NDUFS4: variants seen among roughly 807,000 people sequenced by gnomAD.
The protein encoded by NDUFS4 is NADH dehydrogenase [ubiquinone] iron-sulfur protein 4, mitochondrial.
Under a neutral mutation model 24.3 loss-of-function variants are expected in NDUFS4, and 28 were observed. The ratio of observed to expected loss-of-function variants is 1.15; its 90% CI spans 0.85 to 1.58. NDUFS4 has a LOEUF of 1.58. Among genes scored for constraint, NDUFS4 ranks in the 40% most tolerant of loss-of-function variants. The pLI, the probability that NDUFS4 is intolerant of heterozygous loss-of-function variation, is 0.00. For synonymous variants in NDUFS4, 93 were observed against 69.7 expected, an observed-to-expected ratio of 1.34 and a Z score of -1.67; for missense variants, 223 against 207.9, an observed-to-expected ratio of 1.07 and a Z score of -0.45.
At chr5:53,621,665 A>G (rs1012274314) in intron 2 of NDUFS4, among the ~76,000 whole-genome samples, 2 of 134,960 alleles carry the variant, frequency 1.5e-5, no homozygotes, top group Non-Finnish European at 3.3e-5. Flanking sequence ...TTTTACTTCC[A>G]TATTTGTTAT....
At position 53,680,644 on chromosome 5, in the gene NDUFS4, A is replaced by G. The variant is rs527819525; in HGVS notation, c.425-2474A>G. ...CTCACTCATAGGTGGGAATTGAACAATGAGAACACATGGACACAGGAAGGG... is the reference window on the plus strand; with the variant it reads ...CTCACTCATAGGTGGGAATTGAACAGTGAGAACACATGGACACAGGAAGGG... On this transcript the variant is annotated intron_variant, in intron 4 of 4. Transcript: ENST00000296684. 3.4e-4 allele frequency among the ~76,000 whole-genome samples: 52 copies of G among 151,330 alleles called. No homozygotes were observed. The South Asian group carries it at 0.01, about 30-fold the overall frequency.
At chr5:53,663,289 G>GA (rs1250012140) in intron 4 of NDUFS4, among the ~76,000 whole-genome samples, 4 of 152,196 alleles carry the variant, frequency 2.6e-5, no homozygotes, top group Middle Eastern at 3.4e-3. Context: ...GTGTGGTGTT[G>GA]AAAAAAATGT....
chr5:53,632,432 G>A (rs1751436008), intron 2 of NDUFS4, among the ~76,000 whole-genome samples: 1 of 152,128 alleles, frequency 6.6e-6, no homozygotes, highest in East Asian at 1.9e-4. Context: ...TGACTTGTTA[G>A]AACTTCTCAT....
At chr5:53,581,245 A>G (rs1749559804) in intron 1 of NDUFS4, among the ~76,000 whole-genome samples, 1 of 152,198 alleles carries the variant, frequency 6.6e-6, no homozygotes, top group Non-Finnish European at 1.5e-5. Flanking sequence ...TCAGCTAGTC[A>G]TTAAATTCTA....
chr5:53,623,553 A>AT (rs1751122409), intron 2 of NDUFS4, among the ~76,000 whole-genome samples: 1 of 152,096 alleles, frequency 6.6e-6, no homozygotes. Context: ...AAAAATTTTA[A>AT]TTTTGATGAC....
chr5:53,661,295 A>G (rs1752335796), intron 4 of NDUFS4, among the ~76,000 whole-genome samples: 1 of 152,164 alleles, frequency 6.6e-6, no homozygotes, highest in African/African-American at 2.4e-5. Context: ...AGGTTTGTCA[A>G]AGATCAGATA....
chr5:53,620,219 T>G (rs1208980125), intron 2 of NDUFS4, among the ~76,000 whole-genome samples: 1 of 152,176 alleles, frequency 6.6e-6, no homozygotes, highest in Non-Finnish European at 1.5e-5. Flanking sequence ...AATGTAACTT[T>G]AGAGATATGG....
chr5:53,635,477 G>A (rs1374472710), intron 2 of NDUFS4, among the ~76,000 whole-genome samples: 3 of 152,168 alleles, frequency 2.0e-5, no homozygotes, highest in African/African-American at 7.2e-5. Context: ...CCATGATCAT[G>A]CCACTGCACC....
At chr5:53,602,447 A>C (rs757551781) in intron 1 of NDUFS4, among the ~76,000 whole-genome samples, 3 of 152,168 alleles carry the variant, frequency 2.0e-5, no homozygotes, top group Non-Finnish European at 4.4e-5. Context: ...TAAAGCAGTA[A>C]AACCTCTTGT....
chr5:53,671,825 T>C (rs1740254602), intron 4 of NDUFS4, among the ~76,000 whole-genome samples: 1 of 152,030 alleles, frequency 6.6e-6, no homozygotes, highest in South Asian at 2.1e-4. Flanking sequence ...TGGTCTTTTT[T>C]CCCCCGTTTG....
At chr5:53,650,163 A>G (rs1240226803) in intron 3 of NDUFS4, among the ~76,000 whole-genome samples, 1 of 152,206 alleles carries the variant, frequency 6.6e-6, no homozygotes, top group East Asian at 1.9e-4. Flanking sequence ...GTAGTAATAC[A>G]TTCCCAGCAA....
chr5:53,668,625 T>C (rs1752584414), intron 4 of NDUFS4, among the ~76,000 whole-genome samples: 1 of 151,084 alleles, frequency 6.6e-6, no homozygotes, highest in Admixed American at 6.6e-5. Flanking sequence ...AATTTTTTTT[T>C]TTTTTTTTTT....
chr5:53,672,089 T>TAAAG (rs1035855379), intron 4 of NDUFS4, among the ~76,000 whole-genome samples: 1 of 151,648 alleles, frequency 6.6e-6, no homozygotes, highest in Non-Finnish European at 1.5e-5. Flanking sequence ...TCCAGGAAAA[T>TAAAG]AAAGAAAGAA....
rs1751079028 is a variant in NDUFS4, at chr5:53,622,516, T to C, written c.177+18986T>C. On this transcript the variant is annotated intron_variant, in intron 2 of 4. Coordinates refer to ENST00000296684, the MANE Select transcript of NDUFS4 (RefSeq NM_002495.4). ...TCTCATAAGGGCACTAATCCCATTA[T>C]GAGGGCCTTACTCATGATCTCATCT... Among the ~76,000 whole-genome samples the C allele has an allele frequency of 2.6e-5, 4 of 152,234 alleles. No individual in the cohort carries two copies. The South Asian group carries it at 8.3e-4, about 32-fold the overall frequency.
chr5:53,674,080 A>G (rs1561401500), intron 4 of NDUFS4, among the ~76,000 whole-genome samples: 1 of 152,210 alleles, frequency 6.6e-6, no homozygotes, highest in Non-Finnish European at 1.5e-5. Context: ...AGAAAAGCAC[A>G]TATTTATTTA....
intron 3 of NDUFS4, among the ~76,000 whole-genome samples, chr5:53,649,673 A>AT (rs1322937699): frequency 2.6e-5 from 4 of 151,996 alleles, no homozygotes; most frequent in Non-Finnish European, 5.9e-5. Context: ...AAAATGAGTT[A>AT]TTTTTCTTTG....
chr5:53,629,463 A>T (rs559757943), intron 2 of NDUFS4, among the ~76,000 whole-genome samples: 2 of 152,184 alleles, frequency 1.3e-5, no homozygotes, highest in East Asian at 3.9e-4. Context: ...TGATGTGTCT[A>T]ATATTGACAG....
At chr5:53,682,812 G>C (rs1279464113) in intron 4 of NDUFS4, among the ~76,000 whole-genome samples, 2 of 152,102 alleles carry the variant, frequency 1.3e-5, no homozygotes, top group Non-Finnish European at 2.9e-5. Context: ...ACCACATAGA[G>C]TAATGGAAAT....
In NDUFS4 at chr5:53,683,166, A is replaced by AGTCTT. The variant is rs766516611; in HGVS notation, c.474_478dup (p.Tyr160CysfsTer31). On this transcript the variant is annotated frameshift_variant, in exon 5 of 5. Transcript: ENST00000296684. LOFTEE classifies it high-confidence loss of function. Reference sequence around the variant, plus strand: ...AGGAAGGTTCCAAAACCCAAGTCCAAGTCTTATGGTGCAAACTTTTCTTGG... The same window carrying AGTCTT: ...AGGAAGGTTCCAAAACCCAAGTCCAAGTCTTGTCTTATGGTGCAAACTTTTCTTGG... 2 of 1,612,816 alleles carry AGTCTT rather than the reference A, an allele frequency of 1.2e-6. No individual in the cohort carries two copies. Among genetic ancestry groups the AGTCTT allele is most frequent in the South Asian group, 1.1e-5 (1 of 91,048 alleles).
Sources: gnomAD v4.1 joint callset for allele counts (sites outside exome capture counted in the v4.1 genomes callset) on GRCh38, gnomAD v4.1.1 for gene constraint, MANE v1.5 for transcripts, NCBI Gene and HGNC (gene_info 2026-07-23, HGNC 2026-07-21) for gene names.